Variants in ANKH observed in about 807,000 individuals in gnomAD.
ANKH encodes ANKH inorganic pyrophosphate transport regulator.
Under a neutral mutation model 49.0 loss-of-function variants are expected in ANKH, and 15 were observed. The ratio of observed to expected loss-of-function variants is 0.31; its 90% CI spans 0.20 to 0.47. The LOEUF is 0.47. Ranked by LOEUF, ANKH falls within the 20% of genes least tolerant of loss-of-function variation. The probability of loss-of-function intolerance (pLI) is 1.00; values close to 1 mark genes in which losing one functional copy is unlikely to be tolerated. For missense variants in ANKH, 429 were observed against 652.0 expected (o/e 0.66, Z 3.72); for synonymous variants, 273 against 260.0 (o/e 1.05, Z -0.48).
chr5:14,814,796 A>T (rs570247548), intron 1 of ANKH, among the ~76,000 whole-genome samples: 3 of 152,206 alleles, frequency 2.0e-5, no homozygotes, highest in African/African-American at 7.2e-5. Context: ...CACACTTTCA[A>T]CCTATAGCAC....
At chr5:14,721,856 G>C (rs1016627387) in intron 8 of ANKH, among the ~76,000 whole-genome samples, 1 of 150,700 alleles carries the variant, frequency 6.6e-6, no homozygotes, top group Non-Finnish European at 1.5e-5. Context: ...CGTGAATCGG[G>C]GAGGCGGAGC....
chr5:14,716,530 T>C (rs1373857245), intron 9 of ANKH, among the ~76,000 whole-genome samples, 176 bp downstream of exon 9: 6 of 151,928 alleles, frequency 3.9e-5, no homozygotes, highest in Non-Finnish European at 7.3e-5. Context: ...TAAAAAGTTA[T>C]ACTGTTTGAT....
At position 14,833,439 on chromosome 5, in the gene ANKH, C is replaced by A. The variant is rs144644820; in HGVS notation, c.96+37913G>T. 3.5e-3 allele frequency among the ~76,000 whole-genome samples: 530 copies of A among 152,306 alleles called. 4 individuals are homozygous for A. Among genetic ancestry groups the A allele is most frequent in the African/African-American group, 0.012 (503 of 41,562 alleles). Reference sequence around the variant, plus strand: ...AGGTTTAGTCTCCTACCCTGCAGAGCTTGTTAGGCTCTCAGACATATCAAT... The same window carrying A: ...AGGTTTAGTCTCCTACCCTGCAGAGATTGTTAGGCTCTCAGACATATCAAT... On this transcript the variant is annotated intron_variant, in intron 1 of 11. Transcript: ENST00000284268.
chr5:14,715,011 G>A (rs564349645), intron 9 of ANKH, among the ~76,000 whole-genome samples: 21 of 152,308 alleles, frequency 1.4e-4, no homozygotes, highest in Admixed American at 3.3e-4. Context: ...ATGCCATCCC[G>A]GTGCTGTGAT....
intron 1 of ANKH, among the ~76,000 whole-genome samples, chr5:14,849,508 T>G (rs1404793275): frequency 6.6e-6 from 1 of 152,220 alleles, no homozygotes; most frequent in Non-Finnish European, 1.5e-5. Flanking sequence ...CAGACAATAC[T>G]GTTTGCTAGC....
In ANKH at chr5:14,716,931, A is replaced by G. The variant is rs1737489029; in HGVS notation, c.1012-96T>C. 4 of 1,520,790 alleles carry G rather than the reference A, an allele frequency of 2.6e-6. No homozygotes were observed. The Middle Eastern group carries it at 5.1e-4, about 193-fold the overall frequency. 94.2% of individuals were successfully genotyped at this position (1,520,790 alleles called of 1,614,324 possible). ...GGCACAATCCTTGGAGAGTTACGAA[A>G]GAGGGACAACCGGCCTGACTGGGTG... On this transcript the variant is annotated intron_variant, in intron 8 of 11. Transcript: ENST00000284268.
intron 1 of ANKH, among the ~76,000 whole-genome samples, chr5:14,840,764 C>A (rs1561079165): frequency 6.6e-6 from 1 of 152,162 alleles, no homozygotes; most frequent in Non-Finnish European, 1.5e-5. Context: ...CTAATGATGC[C>A]CAGGCATTTA....
chr5:14,851,460 G>A (rs1360007153), intron 1 of ANKH, among the ~76,000 whole-genome samples: 1 of 152,244 alleles, frequency 6.6e-6, no homozygotes, highest in African/African-American at 2.4e-5. Context: ...GTCATCCCCA[G>A]TGCCTGTGGA....
chr5:14,734,455 G>A (rs1738105554), intron 8 of ANKH, among the ~76,000 whole-genome samples: 1 of 152,208 alleles, frequency 6.6e-6, no homozygotes, highest in South Asian at 2.1e-4. Context: ...TTGCCTTGCT[G>A]AGAATTAAAA....
intron 4 of ANKH, among the ~76,000 whole-genome samples, chr5:14,751,752 T>C (rs1437418079): frequency 6.6e-6 from 1 of 152,172 alleles, no homozygotes; most frequent in East Asian, 1.9e-4. Flanking sequence ...CCACTGACAT[T>C]GGAGGCATTA....
chr5:14,750,652 G>A (rs1738682254), intron 5 of ANKH, among the ~76,000 whole-genome samples: 1 of 152,188 alleles, frequency 6.6e-6, no homozygotes. Context: ...ACTGGGATTG[G>A]CCATTGAAGA....
chr5:14,764,077 A>AAAATAAATAAATAAATAAAT (rs144437805), intron 2 of ANKH, among the ~76,000 whole-genome samples: 1,745 of 146,926 alleles, frequency 0.012, 36 homozygotes, highest in African/African-American at 0.038. Flanking sequence ...GACAGAACGG[A>AAAATAAATAAATAAATAAAT]AAATAAATAA....
chr5:14,834,446 A>C (rs1741596849), intron 1 of ANKH, among the ~76,000 whole-genome samples: 1 of 152,128 alleles, frequency 6.6e-6, no homozygotes, highest in South Asian at 2.1e-4. Context: ...ACCCATAAAT[A>C]CTGGGGATTT....
At chr5:14,817,281 G>A (rs1741067246) in intron 1 of ANKH, among the ~76,000 whole-genome samples, 1 of 152,074 alleles carries the variant, frequency 6.6e-6, no homozygotes, top group Admixed American at 6.5e-5. Flanking sequence ...GATGGTGATA[G>A]GTTTCTATGT....
At chr5:14,719,387 G>A (rs1737592626) in intron 8 of ANKH, among the ~76,000 whole-genome samples, 1 of 152,250 alleles carries the variant, frequency 6.6e-6, no homozygotes, top group Non-Finnish European at 1.5e-5. Context: ...GTGAGCCATG[G>A]AGTGGAAAAG....
At position 14,725,239 on chromosome 5, in the gene ANKH, T is replaced by A. The variant is rs1388720535; in HGVS notation, c.1012-8404A>T. 6.6e-6 allele frequency among the ~76,000 whole-genome samples: 1 copy of A among 152,150 alleles called. No homozygotes were observed. On this transcript the variant is annotated intron_variant, in intron 8 of 11. Coordinates refer to ENST00000284268, the MANE Select transcript of ANKH (RefSeq NM_054027.6). The surrounding 1 kb of genome is among the most constrained non-coding windows in gnomAD (Gnocchi z 4.0). ...GTTCCCTGAGCACTCCAGCCTCAGC[T>A]CTCTTCTTTCAAACGGGGATGGTGT...
chr5:14,788,030 C>T (rs796272701), intron 1 of ANKH: 4 of 152,282 alleles, frequency 2.6e-5, no homozygotes, highest in African/African-American at 9.6e-5. Flanking sequence ...ATAGGTGAAA[C>T]AATTCTAACA....
intron 11 of ANKH, 77 bp downstream of exon 11, chr5:14,712,797 C>T (rs1737277336): frequency 1.4e-6 from 2 of 1,410,198 alleles, no homozygotes; most frequent in Non-Finnish European, 2.0e-6. Flanking sequence ...ACCATCCAAC[C>T]TGGTCAGTGG....
At chr5:14,819,388 G>A (rs1353157427) in intron 1 of ANKH, among the ~76,000 whole-genome samples, 1 of 152,198 alleles carries the variant, frequency 6.6e-6, no homozygotes, top group Non-Finnish European at 1.5e-5. Context: ...GCGAGGGCCT[G>A]GACTTTCTGA....
Sources: allele counts gnomAD v4.1 joint callset (sites outside exome capture counted in the v4.1 genomes callset), GRCh38; gene constraint gnomAD v4.1.1; non-coding constraint Gnocchi (gnomAD v3.1); transcripts MANE v1.5; gene names NCBI Gene and HGNC (gene_info 2026-07-23, HGNC 2026-07-21).